Variants in FMR1NB observed in about 807,000 individuals in gnomAD.
FMR1NB encodes FMR1 neighbor protein.
Under a neutral mutation model 16.8 loss-of-function variants are expected in FMR1NB, and 10 were observed. The observed-to-expected ratio is 0.60, with a 90% CI of 0.37 to 1.01. The LOEUF (loss-of-function observed/expected upper bound fraction) is 1.01, where lower values mean the gene tolerates loss of function less well. FMR1NB is among the 50% of genes least tolerant of loss of function. The pLI, the probability that FMR1NB is intolerant of heterozygous loss-of-function variation, is 0.01. For synonymous variants in FMR1NB, 83 were observed against 79.1 expected, an observed-to-expected ratio of 1.05 and a Z score of -0.26; for missense variants, 205 against 204.8, an observed-to-expected ratio of 1.00 and a Z score of 0.00.
intron 4 of FMR1NB, among the ~76,000 whole-genome samples, chrX:148,021,933 C>T: frequency 9.5e-6 from 1 of 105,730 alleles, no homozygotes; most frequent in African/African-American, 3.5e-5. Context: ...ATCCCATTGT[C>T]TAGTACTTTA....
chrX:147,991,647 C>CTTTTTTTTTTTTTTTTTTTTTTTTTTTTT (rs782065632), intron 1 of FMR1NB, among the ~76,000 whole-genome samples: 1 of 87,373 alleles, frequency 1.1e-5, no homozygotes, highest in African/African-American at 4.9e-5. Context: ...GGCCTTCCTT[C>CTTTTTTTTTTTTTTTTTTTTTTTTTTTTT]TTTTTTTTTT....
rs781837471 is a variant in FMR1NB at position 148,005,447 on chromosome X, T to C, written c.398-1255T>C. Among the ~76,000 whole-genome samples the C allele has an allele frequency of 6.3e-5, 7 of 111,030 alleles. No individual in the cohort carries two copies. In the South Asian group the frequency reaches 1.5e-3, roughly 24 times the overall value. On this transcript the variant is annotated intron_variant, in intron 2 of 5. Coordinates refer to ENST00000370467, the MANE Select transcript of FMR1NB (RefSeq NM_152578.3). ...GTGTTTGACACCCAGAACTGAACAC[T>C]TGATGCAATCCAACCTAGGGGAGAA...
At chrX:147,993,515 C>T (rs1409099134) in intron 1 of FMR1NB, among the ~76,000 whole-genome samples, 1 of 111,284 alleles carries the variant, frequency 9.0e-6, no homozygotes, top group Non-Finnish European at 1.9e-5. Flanking sequence ...TTCTCACCTC[C>T]CCACAATGAC....
At chrX:148,001,576 C>T (rs1412920530) in intron 1 of FMR1NB, among the ~76,000 whole-genome samples, 9 of 109,718 alleles carry the variant, frequency 8.2e-5, no homozygotes, top group African/African-American at 3.0e-4. Context: ...ATGGTGAAAC[C>T]CCGTCTCTAC....
intron 1 of FMR1NB, among the ~76,000 whole-genome samples, chrX:147,988,168 T>C (rs1047965735): frequency 1.3e-4 from 14 of 111,923 alleles, no homozygotes; most frequent in Admixed American, 1.1e-3. Flanking sequence ...TTTCCATATT[T>C]AGTGCTTCCT....
intron 1 of FMR1NB, among the ~76,000 whole-genome samples, chrX:147,982,588 CAAAAAAAA>C (rs79206034): frequency 3.5e-5 from 1 of 28,466 alleles, no homozygotes; most frequent in African/African-American, 1.5e-4. Flanking sequence ...GACTCCGTCT[CAAAAAAAA>C]AAAAAAAAAA....
chrX:148,003,098 G>C, intron 1 of FMR1NB, 103 bp from the exon 2 acceptor site: 1 of 836,459 alleles, frequency 1.2e-6, no homozygotes, highest in South Asian at 2.9e-5. Context: ...TTAGCTATTT[G>C]ACATTCTATA....
At chrX:147,989,371 G>A (rs1365589275) in intron 1 of FMR1NB, among the ~76,000 whole-genome samples, 3 of 111,969 alleles carry the variant, frequency 2.7e-5, no homozygotes, top group African/African-American at 9.8e-5. Context: ...CCTTTCTCTG[G>A]AAGCTTCATC....
intron 5 of FMR1NB, among the ~76,000 whole-genome samples, 161 bp downstream of exon 5, chrX:148,025,174 A>T (rs1356488552): frequency 9.0e-6 from 1 of 111,426 alleles, no homozygotes; most frequent in Non-Finnish European, 1.9e-5. Flanking sequence ...ATCACTAGAG[A>T]TATTGAGATG....
At chrX:147,993,209 G>T (rs1163522352) in intron 1 of FMR1NB, among the ~76,000 whole-genome samples, 1 of 113,171 alleles carries the variant, frequency 8.8e-6, no homozygotes, top group Non-Finnish European at 1.9e-5. Context: ...GCGGCCAGGG[G>T]CTGGAGACCG....
intron 4 of FMR1NB, among the ~76,000 whole-genome samples, chrX:148,018,565 C>A (rs1394347082): frequency 1.8e-5 from 2 of 111,576 alleles, no homozygotes; most frequent in East Asian, 5.6e-4. Context: ...GAAAAACAAG[C>A]AATGGGGAAA....
rs183710557 is a variant in FMR1NB at position 148,004,869 on chromosome X, A to C, written c.397+1549A>C. 1.1e-4 allele frequency among the ~76,000 whole-genome samples: 12 copies of C among 112,553 alleles called. No homozygotes were observed. In the East Asian group the frequency reaches 2.8e-3, roughly 26 times the overall value. ...TTCTTTAAAATTACCAATGCCTCTTAGTAATTTGAGCTTGAAAGTTAATTT... is the reference window on the plus strand; with the variant it reads ...TTCTTTAAAATTACCAATGCCTCTTCGTAATTTGAGCTTGAAAGTTAATTT... On this transcript the variant is annotated intron_variant, in intron 2 of 5. Transcript: ENST00000370467.
chrX:148,004,316 A>G (rs1557188884), intron 2 of FMR1NB, among the ~76,000 whole-genome samples: 1 of 112,363 alleles, frequency 8.9e-6, no homozygotes, highest in East Asian at 2.8e-4. Context: ...ACAGATGTAA[A>G]CAGTCACATA....
Position 147,981,650 on chromosome X carries a change from GCTACTACCTGTC to G in FMR1NB, c.260_271del (p.Ser87_Leu90del). 1.8e-6 allele frequency: 2 copies of G among 1,132,112 alleles called. No individual in the cohort carries two copies. 93.3% of individuals were successfully genotyped at this position (1,132,112 alleles called of 1,213,427 possible). A position where few individuals can be genotyped will look rare whatever the true frequency, so the allele number is the denominator to read the frequency against. On this transcript the variant is annotated inframe_deletion, in exon 1 of 6. Coordinates refer to ENST00000370467, the MANE Select transcript of FMR1NB (RefSeq NM_152578.3). Reference sequence around the variant, plus strand: ...TCCATTTGGATCCTGCTGTTCGTGTGCTACTACCTGTCCTACTACCTGTGCTCCGGTGAGTGC... The same window carrying G: ...TCCATTTGGATCCTGCTGTTCGTGTGCTACTACCTGTGCTCCGGTGAGTGC...
intron 1 of FMR1NB, among the ~76,000 whole-genome samples, chrX:147,991,647 CTTT>C (rs782065632): frequency 1.4e-4 from 12 of 87,336 alleles, no homozygotes; most frequent in Non-Finnish European, 1.5e-4. Context: ...GGCCTTCCTT[CTTT>C]TTTTTTTTTT....
chrX:147,993,799 T>G (rs2124615304), intron 1 of FMR1NB, among the ~76,000 whole-genome samples: 1 of 110,404 alleles, frequency 9.1e-6, no homozygotes, highest in African/African-American at 3.3e-5. Flanking sequence ...ACTCAGGTTT[T>G]CCTTCCTTCA....
chrX:148,005,131 G>A (rs1347782192), intron 2 of FMR1NB, among the ~76,000 whole-genome samples: 1 of 112,130 alleles, frequency 8.9e-6, no homozygotes, highest in African/African-American at 3.2e-5. Flanking sequence ...CTCGTGATCC[G>A]CCCGCCTTGG....
At chrX:147,992,342 AC>A (rs1356112279) in intron 1 of FMR1NB, among the ~76,000 whole-genome samples, 6 of 47,065 alleles carry the variant, frequency 1.3e-4, no homozygotes, top group African/African-American at 4.9e-4. Context: ...CAGGGGGCTG[AC>A]CCCCCACCTC....
chrX:147,992,180 T>A (rs1225216426), intron 1 of FMR1NB, among the ~76,000 whole-genome samples: 4 of 107,639 alleles, frequency 3.7e-5, no homozygotes, highest in Non-Finnish European at 7.7e-5. Context: ...TGGGCACACC[T>A]CCCAGACGGG....
Sources: gnomAD v4.1 joint callset for allele counts (sites outside exome capture counted in the v4.1 genomes callset) on GRCh38, gnomAD v4.1.1 for gene constraint, MANE v1.5 for transcripts, NCBI Gene and HGNC (gene_info 2026-07-23, HGNC 2026-07-21) for gene names.